TGFBR3: variants seen among roughly 807,000 people sequenced by gnomAD.
TGFBR3 encodes transforming growth factor beta receptor 3.
In TGFBR3, 46 loss-of-function variants were observed where a neutral mutation model predicts 87.9. That is an observed-to-expected ratio of 0.52 (90% confidence interval 0.41 to 0.67). The LOEUF (loss-of-function observed/expected upper bound fraction) is 0.67, where lower values mean the gene tolerates loss of function less well. TGFBR3 is among the 30% of genes least tolerant of loss of function. The pLI, the probability that TGFBR3 is intolerant of heterozygous loss-of-function variation, is 0.00. For missense variants in TGFBR3, 866 were observed against 1,041.9 expected (o/e 0.83, Z 2.32); for synonymous variants, 381 against 391.6 (o/e 0.97, Z 0.32).
At chr1:91,827,865 T>C (rs1354566823) in intron 2 of TGFBR3, among the ~76,000 whole-genome samples, 2 of 152,216 alleles carry the variant, frequency 1.3e-5, no homozygotes, top group Non-Finnish European at 2.9e-5. Context: ...ACTCAGTGAA[T>C]GAATCGATCC....
intron 3 of TGFBR3, among the ~76,000 whole-genome samples, chr1:91,782,197 C>A (rs1674795908): frequency 2.0e-5 from 3 of 152,192 alleles, no homozygotes; most frequent in Admixed American, 2.0e-4. Context: ...GAAGCAGAGC[C>A]CCCTGGCCAA....
chr1:91,707,090 T>C (rs572524507), intron 14 of TGFBR3, among the ~76,000 whole-genome samples: 117 of 152,350 alleles, frequency 7.7e-4, no homozygotes, highest in African/African-American at 2.3e-3. Flanking sequence ...TCAAACAGCA[T>C]AGTTGAGTAT....
At chr1:91,780,550 G>GTTTTT (rs563352956) in intron 3 of TGFBR3, among the ~76,000 whole-genome samples, 61 of 75,458 alleles carry the variant, frequency 8.1e-4, no homozygotes, top group Admixed American at 1.2e-3. Flanking sequence ...AGGGTCTAAG[G>GTTTTT]CTTTTTTTTT....
intron 3 of TGFBR3, among the ~76,000 whole-genome samples, chr1:91,771,426 C>T (rs1674372752): frequency 6.6e-6 from 1 of 151,904 alleles, no homozygotes; most frequent in Non-Finnish European, 1.5e-5. Flanking sequence ...TATTATGGGC[C>T]GGACACGGTG....
chr1:91,803,323 T>C (rs61781097), intron 2 of TGFBR3, among the ~76,000 whole-genome samples: 1,627 of 152,266 alleles, frequency 0.011, 13 homozygotes, highest in Non-Finnish European at 0.016. Context: ...TGTTTCCCAA[T>C]CCCGCTAGCA....
chr1:91,746,832 C>A (rs1392961683), intron 4 of TGFBR3, among the ~76,000 whole-genome samples: 1 of 152,098 alleles, frequency 6.6e-6, no homozygotes, highest in African/African-American at 2.4e-5. Flanking sequence ...AGCTGGCAGA[C>A]AACAGGGTTG....
rs1358824147 is a variant in TGFBR3 at position 91,680,361 on chromosome 1, CTTT to C, written c.*3375_*3377del. The C allele has an allele frequency of 6.9e-6, 3 of 437,206 alleles. No homozygotes were observed. Among genetic ancestry groups the C allele is most frequent in the Non-Finnish European group, 1.4e-5 (3 of 221,406 alleles). 27.1% of individuals were successfully genotyped at this position (437,206 alleles called of 1,614,324 possible). ...ACACATATTAATAACTGATATATAT[CTTT>C]TTATTATGCACAGATAAAAGATTTA... On this transcript the variant is annotated 3_prime_UTR_variant, in exon 17 of 17. Coordinates refer to ENST00000212355, the MANE Select transcript of TGFBR3 (RefSeq NM_003243.5).
chr1:91,879,196 G>A (rs1340632550), intron 1 of TGFBR3, among the ~76,000 whole-genome samples: 4 of 151,938 alleles, frequency 2.6e-5, no homozygotes, highest in Admixed American at 6.6e-5. Flanking sequence ...TTGAACCCAG[G>A]AGGCAGAGGT....
chr1:91,685,448 G>A (rs983164310), intron 16 of TGFBR3, among the ~76,000 whole-genome samples: 12 of 147,704 alleles, frequency 8.1e-5, no homozygotes, highest in African/African-American at 2.8e-4. Context: ...TCAGCCTCCC[G>A]AGTACCTGGG....
chr1:91,695,900 C>T, intron 15 of TGFBR3, 121 bp from the exon 16 acceptor site: 1 of 839,054 alleles, frequency 1.2e-6, no homozygotes, highest in Non-Finnish European at 2.0e-6. Flanking sequence ...TCGGAGAATG[C>T]AATGAAGATT....
At chr1:91,758,032 C>T (rs9887957) in intron 4 of TGFBR3, among the ~76,000 whole-genome samples, 22,802 of 152,180 alleles carry the variant, frequency 0.15, 1,851 homozygotes, top group East Asian at 0.25. Flanking sequence ...ACAACTAGCA[C>T]ACTTGAATGT....
chr1:91,811,156 A>T (rs887042098), intron 2 of TGFBR3, among the ~76,000 whole-genome samples: 2 of 152,068 alleles, frequency 1.3e-5, no homozygotes, highest in Non-Finnish European at 2.9e-5. Flanking sequence ...ACAAAAGATT[A>T]AAAAATTAGC....
At chr1:91,866,590 A>C (rs1395527869) in intron 1 of TGFBR3, among the ~76,000 whole-genome samples, 1 of 152,190 alleles carries the variant, frequency 6.6e-6, no homozygotes, top group Non-Finnish European at 1.5e-5. Context: ...TAATTTCCTG[A>C]GTTTCTCCTT....
intron 10 of TGFBR3, 116 bp from the exon 11 acceptor site, chr1:91,716,824 T>A: frequency 7.9e-7 from 1 of 1,269,348 alleles, no homozygotes; most frequent in Non-Finnish European, 1.1e-6. Flanking sequence ...AATCTGACTT[T>A]AAGACAAAAT....
chr1:91,899,480 T>G (rs995109715), intron 2 of TGFBR3, among the ~76,000 whole-genome samples: 3 of 152,146 alleles, frequency 2.0e-5, no homozygotes, highest in Admixed American at 1.3e-4. Flanking sequence ...CACTCCAGCC[T>G]GGGCAACAGA....
At chr1:91,716,978 T>C (rs146162022) in intron 10 of TGFBR3, among the ~76,000 whole-genome samples, 3 of 152,348 alleles carry the variant, frequency 2.0e-5, no homozygotes, top group Non-Finnish European at 4.4e-5. Context: ...TGTAACCATA[T>C]TGAATAATTA....
At chr1:91,827,584 C>T (rs934000527) in intron 2 of TGFBR3, among the ~76,000 whole-genome samples, 1 of 152,200 alleles carries the variant, frequency 6.6e-6, no homozygotes, top group Non-Finnish European at 1.5e-5. Flanking sequence ...TTATCCTCCA[C>T]TTCTTAAGGC....
intron 3 of TGFBR3, among the ~76,000 whole-genome samples, chr1:91,793,805 C>CAAAAA (rs57943201): frequency 1.0e-5 from 1 of 99,058 alleles, no homozygotes; most frequent in Non-Finnish European, 2.1e-5. Flanking sequence ...GACTCTGTCT[C>CAAAAA]AAAAAAAAAA....
At chr1:91,842,923 G>A (rs1677344398) in intron 2 of TGFBR3, among the ~76,000 whole-genome samples, 1 of 152,108 alleles carries the variant, frequency 6.6e-6, no homozygotes, top group Admixed American at 6.6e-5. Flanking sequence ...GGCAGGGAGA[G>A]CACTTCTTAT....
Sources: allele counts gnomAD v4.1 joint callset (sites outside exome capture counted in the v4.1 genomes callset), GRCh38; gene constraint gnomAD v4.1.1; transcripts MANE v1.5; gene names NCBI Gene and HGNC (gene_info 2026-07-23, HGNC 2026-07-21).